AGBL4: variants seen among roughly 807,000 people sequenced by gnomAD.
AGBL4 encodes AGBL carboxypeptidase 4, also known as cytosolic carboxypeptidase 6.
Under a neutral mutation model 66.4 loss-of-function variants are expected in AGBL4, and 58 were observed. That is an observed-to-expected ratio of 0.87 (90% CI 0.71 to 1.09). The LOEUF (loss-of-function observed/expected upper bound fraction) is 1.09. AGBL4 is among the 50% of genes least tolerant of loss of function. AGBL4 has a pLI of 0.00. For missense variants in AGBL4, 579 were observed against 631.0 expected (o/e 0.92, Z 0.88); for synonymous variants, 234 against 222.9 (o/e 1.05, Z -0.44).
chr1:49,870,080 A>T (rs1298050166), intron 1 of AGBL4, among the ~76,000 whole-genome samples: 6 of 152,344 alleles, frequency 3.9e-5, no homozygotes, highest in Admixed American at 2.0e-4. Context: ...TACTTCATAA[A>T]TATGTACAAC....
chr1:49,253,045 C>T lies in AGBL4; in HGVS notation c.283-7181G>A, dbSNP rs1165860876. ...CTAACATCATATGGCAGGATCAAAT[C>T]CACACATATCAATACTAACTTTAAA... On this transcript the variant is annotated intron_variant, in intron 3 of 13. Transcript: ENST00000371839. Among the ~76,000 whole-genome samples, 6 of 152,092 alleles carry T rather than the reference C, an allele frequency of 3.9e-5. No individual in the cohort carries two copies. The South Asian group carries it at 8.3e-4, about 21-fold the overall frequency.
At chr1:48,699,360 C>G (rs560522896) in intron 6 of AGBL4, among the ~76,000 whole-genome samples, 1 of 152,222 alleles carries the variant, frequency 6.6e-6, no homozygotes. Flanking sequence ...ATAGTAGGCA[C>G]TCAATTAATT....
In AGBL4 at chr1:49,573,152, G is replaced by C. The variant is rs867247551; in HGVS notation, c.282+124161C>G. ...TGTGTCTGTGTGTGTGTGTCTGTGT[G>C]TGTGTGTGTGTGTGTGTGTGTGTGT... On this transcript the variant is annotated intron_variant, in intron 3 of 13. Transcript: ENST00000371839. Among the ~76,000 whole-genome samples, 17 of 117,906 alleles carry C rather than the reference G, an allele frequency of 1.4e-4. No individual in the cohort carries two copies. In the East Asian group the frequency reaches 3.5e-3, roughly 24 times the overall value. The allele number at this position is 117,906 out of a possible 152,430, so 77.4% of individuals were successfully genotyped here. A position where few individuals can be genotyped will look rare whatever the true frequency, so the allele number is the denominator to read the frequency against.
chr1:49,671,846 T>C (rs1280583916), intron 3 of AGBL4, among the ~76,000 whole-genome samples: 1 of 151,984 alleles, frequency 6.6e-6, no homozygotes, highest in Non-Finnish European at 1.5e-5. Flanking sequence ...CAGATATTGG[T>C]GAGGTTGCAG....
chr1:49,396,039 G>T (rs1171416486), intron 3 of AGBL4, among the ~76,000 whole-genome samples: 1 of 151,154 alleles, frequency 6.6e-6, no homozygotes, highest in Non-Finnish European at 1.5e-5. Flanking sequence ...AAATTATCCA[G>T]TAACCAGAAA....
chr1:48,729,374 C>T (rs571511277), intron 6 of AGBL4, among the ~76,000 whole-genome samples: 9 of 152,212 alleles, frequency 5.9e-5, no homozygotes, highest in East Asian at 1.9e-4. Context: ...GAATGTACCA[C>T]GGGAATGTGT....
At chr1:49,421,032 A>C (rs748762135) in intron 3 of AGBL4, among the ~76,000 whole-genome samples, 1 of 152,194 alleles carries the variant, frequency 6.6e-6, no homozygotes, top group African/African-American at 2.4e-5. Flanking sequence ...TCACTATAAC[A>C]AATTCTAAGG....
chr1:49,018,058 A>C (rs544200817), intron 5 of AGBL4, among the ~76,000 whole-genome samples: 1 of 152,300 alleles, frequency 6.6e-6, no homozygotes, highest in Non-Finnish European at 1.5e-5. Flanking sequence ...AAGTAAGCCT[A>C]AAACCTAGGA....
At chr1:48,935,366 G>A (rs1409384582) in intron 5 of AGBL4, among the ~76,000 whole-genome samples, 1 of 152,088 alleles carries the variant, frequency 6.6e-6, no homozygotes, top group African/African-American at 2.4e-5. Context: ...GGAAAATAGA[G>A]CTTTATGCTC....
chr1:49,982,984 G>A (rs973774213), intron 1 of AGBL4, among the ~76,000 whole-genome samples: 4 of 152,150 alleles, frequency 2.6e-5, no homozygotes, highest in Non-Finnish European at 5.9e-5. Context: ...ATGAATAAGA[G>A]CTATCCACTG....
rs564823929 is a variant in AGBL4 at position 48,952,327 on chromosome 1, C to T, written c.595-85097G>A. 3.3e-5 allele frequency among the ~76,000 whole-genome samples: 5 copies of T among 152,196 alleles called. No homozygotes were observed. In the East Asian group the frequency reaches 7.7e-4, roughly 24 times the overall value. On this transcript the variant is annotated intron_variant, in intron 5 of 13. Transcript: ENST00000371839. ...GGCTTTACCCTTTGGAGCTTACATT[C>T]TAATACAGAGTAGAGGAAAATCAAA...
intron 3 of AGBL4, among the ~76,000 whole-genome samples, chr1:49,552,142 C>T (rs946701302): frequency 1.3e-5 from 2 of 152,110 alleles, no homozygotes; most frequent in African/African-American, 4.8e-5. Flanking sequence ...GGGCCGGTCT[C>T]ACTCCCACCG....
chr1:49,203,967 T>C (rs933159969), intron 4 of AGBL4, among the ~76,000 whole-genome samples: 8 of 152,118 alleles, frequency 5.3e-5, no homozygotes, highest in African/African-American at 1.9e-4. Flanking sequence ...TTTGAAACAC[T>C]CACTATATGT....
intron 2 of AGBL4, among the ~76,000 whole-genome samples, chr1:49,841,606 C>G (rs1449136337): frequency 1.1e-4 from 17 of 152,074 alleles, no homozygotes; most frequent in Admixed American, 1.1e-3. Flanking sequence ...TCTAAGGCTA[C>G]AGTAACCGAA....
intron 3 of AGBL4, among the ~76,000 whole-genome samples, chr1:49,693,681 T>C (rs564924487): frequency 2.0e-5 from 3 of 152,048 alleles, no homozygotes; most frequent in South Asian, 4.1e-4. Flanking sequence ...TTGACTATTT[T>C]TACAATAAAA....
intron 2 of AGBL4, among the ~76,000 whole-genome samples, chr1:49,782,003 A>G (rs547346436): frequency 1.3e-5 from 2 of 152,010 alleles, no homozygotes; most frequent in Non-Finnish European, 2.9e-5. Context: ...TTAAGCTCTT[A>G]TATTTTTAAA....
Position 48,696,301 on chromosome 1 carries a change from C to T in AGBL4, c.635-33060G>A, listed in dbSNP as rs182623446. Among the ~76,000 whole-genome samples the T allele has an allele frequency of 1.9e-3, 284 of 152,262 alleles. 1 individual carries two copies. Among genetic ancestry groups the T allele is most frequent in the Non-Finnish European group, 3.2e-3 (216 of 68,012 alleles). ...CACAGATTTTTCCAAAGCACTATTA[C>T]ACTTGTCACTCACGTTGAGCTTGGA... is the stretch of plus-strand genomic sequence containing the variant. On this transcript the variant is annotated intron_variant, in intron 6 of 13. Coordinates refer to ENST00000371839, the MANE Select transcript of AGBL4 (RefSeq NM_032785.4).
At chr1:49,302,836 CTCAGT>C (rs1644779620) in intron 3 of AGBL4, among the ~76,000 whole-genome samples, 1 of 151,686 alleles carries the variant, frequency 6.6e-6, no homozygotes, top group African/African-American at 2.4e-5. Flanking sequence ...CCTGACAGGC[CTCAGT>C]GTGTGTTGTT....
chr1:49,550,379 T>G (rs1289243596), intron 3 of AGBL4, among the ~76,000 whole-genome samples: 1 of 152,224 alleles, frequency 6.6e-6, no homozygotes, highest in South Asian at 2.1e-4. Context: ...TTAACTTGTA[T>G]TTTTGTTTTA....
Sources: allele counts gnomAD v4.1 joint callset (sites outside exome capture counted in the v4.1 genomes callset), GRCh38; gene constraint gnomAD v4.1.1; transcripts MANE v1.5; gene names NCBI Gene and HGNC (gene_info 2026-07-23, HGNC 2026-07-21).